The following RBFOX1 variants were observed in gnomAD, a reference collection of about 807,000 sequenced individuals.
RBFOX1 encodes RNA binding fox-1 homolog 1.
A neutral mutation model predicts 57.7 loss-of-function variants in RBFOX1; 8 were observed. The observed-to-expected ratio is 0.14, with a 90% confidence interval of 0.08 to 0.25. The LOEUF is 0.25. Ranked by LOEUF, RBFOX1 falls within the 10% of genes least tolerant of loss-of-function variation. The probability of loss-of-function intolerance (pLI) is 1.00; values close to 1 mark genes in which losing one functional copy is unlikely to be tolerated. For synonymous variants in RBFOX1, 326 were observed against 222.4 expected (o/e 1.47, Z -4.15); for missense variants, 611 against 548.5 (o/e 1.11, Z -1.14).
At chr16:6,321,670 A>G (rs1236109695) in intron 2 of RBFOX1, among the ~76,000 whole-genome samples, 1 of 152,222 alleles carries the variant, frequency 6.6e-6, no homozygotes, top group Non-Finnish European at 1.5e-5. Flanking sequence ...CTTGTTGGAT[A>G]TAATAATGGT....
intron 1 of RBFOX1, among the ~76,000 whole-genome samples, chr16:6,202,753 G>T (rs187348568): frequency 6.6e-6 from 1 of 151,866 alleles, no homozygotes; most frequent in Admixed American, 6.6e-5. Context: ...CTCCTCCCAC[G>T]TTCTTTATGT....
chr16:6,217,822 C>T lies in RBFOX1; in HGVS notation c.-126-99173C>T, dbSNP rs112121318. ...TTGAGACCAAGGGTTTGAGACCAGC[C>T]GGGCGAACATGGCAAAACTCTGTAT... On this transcript the variant is annotated intron_variant, in intron 1 of 15. Transcript: ENST00000550418. Among the ~76,000 whole-genome samples, 780 of 152,160 alleles carry T rather than the reference C, an allele frequency of 5.1e-3. 11 individuals are homozygous for T. Among genetic ancestry groups the T allele is most frequent in the African/African-American group, 0.018 (728 of 41,498 alleles).
At chr16:6,735,763 G>A (rs1194823882) in intron 3 of RBFOX1, among the ~76,000 whole-genome samples, 1 of 152,144 alleles carries the variant, frequency 6.6e-6, no homozygotes, top group East Asian at 1.9e-4. Flanking sequence ...GTTCCCAAGT[G>A]GCATGGGTGG....
At chr16:6,699,122 G>A (rs904161976) in intron 3 of RBFOX1, among the ~76,000 whole-genome samples, 1 of 152,134 alleles carries the variant, frequency 6.6e-6, no homozygotes, top group African/African-American at 2.4e-5. Context: ...ATAAGAAACA[G>A]CGTCTTCAAC....
chr16:5,412,953 A>G (rs1013709833), intron 1 of RBFOX1, among the ~76,000 whole-genome samples: 2 of 152,164 alleles, frequency 1.3e-5, no homozygotes, highest in Admixed American at 6.5e-5. Flanking sequence ...GAAACAACAC[A>G]TCTCACTCGC....
chr16:5,467,350 T>G (rs2068985764), intron 2 of RBFOX1: 1 of 1,205,982 alleles, frequency 8.3e-7, no homozygotes, highest in African/African-American at 1.5e-5. Context: ...GCAACTTCAC[T>G]GCCCAGGGCA....
rs149509751 is a variant in RBFOX1, at chr16:7,188,806, C to A, written c.27+136708C>A. 5.4e-3 allele frequency among the ~76,000 whole-genome samples: 816 copies of A among 152,242 alleles called. 34 individuals are homozygous for A. Among genetic ancestry groups the A allele is most frequent in the Admixed American group, 0.049 (748 of 15,296 alleles). On this transcript the variant is annotated intron_variant, in intron 4 of 15. Transcript: ENST00000550418. ...TGGTATAGGGCATGCTACGAAGGAACCAAAGAATGACATTGAGTTGGCTGT... is the reference window on the plus strand; with the variant it reads ...TGGTATAGGGCATGCTACGAAGGAAACAAAGAATGACATTGAGTTGGCTGT...
At chr16:5,877,002 A>G (rs1328969903) in intron 4 of RBFOX1, among the ~76,000 whole-genome samples, 1 of 152,178 alleles carries the variant, frequency 6.6e-6, no homozygotes, top group African/African-American at 2.4e-5. Context: ...GGTGAGTTAA[A>G]TTGGTTGATT....
At chr16:6,470,815 A>C (rs758398047) in intron 2 of RBFOX1, among the ~76,000 whole-genome samples, 1 of 152,010 alleles carries the variant, frequency 6.6e-6, no homozygotes, top group Non-Finnish European at 1.5e-5. Flanking sequence ...ACCTCCAGTT[A>C]TACATGTCTT....
intron 3 of RBFOX1, among the ~76,000 whole-genome samples, chr16:7,003,494 T>C (rs1381427500): frequency 6.9e-6 from 1 of 144,290 alleles, no homozygotes; most frequent in Non-Finnish European, 1.5e-5. Flanking sequence ...AAAGAAGGAG[T>C]AGTTTGTGAA....
rs77376125 is a variant in RBFOX1 at position 7,100,215 on chromosome 16, C to G, written c.27+48117C>G. ...CGAAATTTGTGTGTTAAAGGAATGA[C>G]TATTCAGTGCTGATATCAGTGTTGT... On this transcript the variant is annotated intron_variant, in intron 4 of 15. Coordinates refer to ENST00000550418, the MANE Select transcript of RBFOX1 (RefSeq NM_018723.4). Among the ~76,000 whole-genome samples, 555 of 151,884 alleles carry G rather than the reference C, an allele frequency of 3.7e-3. 3 individuals carry two copies. Among genetic ancestry groups the G allele is most frequent in the Non-Finnish European group, 6.3e-3 (427 of 67,970 alleles).
At chr16:5,302,794 C>G (rs1441817632) in intron 1 of RBFOX1, among the ~76,000 whole-genome samples, 1 of 152,102 alleles carries the variant, frequency 6.6e-6, no homozygotes, top group African/African-American at 2.4e-5. Context: ...TGTTTCCCGC[C>G]TTTTTTAGTT....
At chr16:5,395,883 A>C (rs2066539109) in intron 1 of RBFOX1, among the ~76,000 whole-genome samples, 1 of 152,226 alleles carries the variant, frequency 6.6e-6, no homozygotes. Context: ...TCCAGAAAGA[A>C]ACTGAAGCCG....
At chr16:6,744,467 CAATA>C (rs1178921099) in intron 3 of RBFOX1, among the ~76,000 whole-genome samples, 1 of 151,714 alleles carries the variant, frequency 6.6e-6, no homozygotes, top group East Asian at 1.9e-4. Context: ...TTTTTTTAAT[CAATA>C]AATTTAAGAG....
intron 2 of RBFOX1, among the ~76,000 whole-genome samples, chr16:6,435,442 A>C (rs1171835809): frequency 6.6e-6 from 1 of 152,060 alleles, no homozygotes; most frequent in Non-Finnish European, 1.5e-5. Context: ...CTGGGACTAT[A>C]GGCATGCCAT....
chr16:6,741,049 A>G (rs555513617), intron 3 of RBFOX1, among the ~76,000 whole-genome samples: 9 of 152,310 alleles, frequency 5.9e-5, no homozygotes, highest in African/African-American at 2.2e-4. Context: ...GGAAGAGAAG[A>G]CACTGAAATA....
intron 2 of RBFOX1, among the ~76,000 whole-genome samples, chr16:6,496,263 C>G (rs887773992): frequency 6.6e-6 from 1 of 152,148 alleles, no homozygotes; most frequent in Admixed American, 6.5e-5. Context: ...ACAGTGACCA[C>G]TCTGAAAGGA....
chr16:6,670,327 C>T (rs1413271266), intron 3 of RBFOX1, among the ~76,000 whole-genome samples: 2 of 152,202 alleles, frequency 1.3e-5, no homozygotes, highest in South Asian at 2.1e-4. Flanking sequence ...ATCTTGGTCT[C>T]CCAAAATGCT....
At chr16:6,200,102 T>C (rs2152827830) in intron 1 of RBFOX1, among the ~76,000 whole-genome samples, 1 of 152,184 alleles carries the variant, frequency 6.6e-6, no homozygotes, top group Middle Eastern at 3.4e-3. Flanking sequence ...AAGGACCCCA[T>C]TGGAAAGGGA....
Sources: allele counts gnomAD v4.1 joint callset (sites outside exome capture counted in the v4.1 genomes callset), GRCh38; gene constraint gnomAD v4.1.1; transcripts MANE v1.5; gene names NCBI Gene and HGNC (gene_info 2026-07-23, HGNC 2026-07-21).